SCNN1B: variants seen among roughly 807,000 people sequenced by gnomAD.
SCNN1B encodes epithelial sodium channel subunit beta.
A neutral mutation model predicts 65.3 loss-of-function variants in SCNN1B; 46 were observed. The ratio of observed to expected loss-of-function variants is 0.70; its 90% CI spans 0.56 to 0.90. The LOEUF (loss-of-function observed/expected upper bound fraction) is 0.90, where lower values mean the gene tolerates loss of function less well. SCNN1B is among the 40% of genes least tolerant of loss of function. SCNN1B has a pLI of 0.00. For missense variants in SCNN1B, 751 were observed against 830.5 expected, an observed-to-expected ratio of 0.90 and a Z score of 1.18; for synonymous variants, 349 against 330.6, an observed-to-expected ratio of 1.06 and a Z score of -0.60.
At chr16:23,307,295 CTTTT>C (rs761118487) in intron 1 of SCNN1B, among the ~76,000 whole-genome samples, 2 of 113,294 alleles carry the variant, frequency 1.8e-5, no homozygotes, top group Admixed American at 9.6e-5. Flanking sequence ...GCCTGTGCTC[CTTTT>C]TTTTTTTTTT....
At chr16:23,343,691 CTT>C (rs1163913234) in intron 1 of SCNN1B, among the ~76,000 whole-genome samples, 1 of 150,018 alleles carries the variant, frequency 6.7e-6, no homozygotes, top group African/African-American at 2.5e-5. Context: ...AGCCGAAACA[CTT>C]TTCCACATTT....
chr16:23,346,378 C>T (rs1487836446), intron 1 of SCNN1B, among the ~76,000 whole-genome samples: 1 of 151,506 alleles, frequency 6.6e-6, no homozygotes, highest in African/African-American at 2.4e-5. Context: ...CAAGGGCCCG[C>T]CACCAGCTAA....
intron 1 of SCNN1B, among the ~76,000 whole-genome samples, chr16:23,324,813 T>C (rs1428255353): frequency 2.0e-5 from 3 of 152,212 alleles, no homozygotes; most frequent in South Asian, 4.1e-4. Flanking sequence ...TCTTCCCTGC[T>C]GGCTGTCAAC....
In SCNN1B at chr16:23,380,892, G is replaced by A; in HGVS notation, c.*91G>A. On this transcript the variant is annotated 3_prime_UTR_variant, in exon 13 of 13. Transcript: ENST00000343070. The surrounding 1 kb of genome is among the most constrained non-coding windows in gnomAD (Gnocchi z 5.4). Reference sequence around the variant, plus strand: ...CACTGTATGGTGCCCTCTCCAAAGGGTCGGGAGGGTAGCTCTCCAGGCCAG... The same window carrying A: ...CACTGTATGGTGCCCTCTCCAAAGGATCGGGAGGGTAGCTCTCCAGGCCAG... The A allele has an allele frequency of 7.0e-7, 1 of 1,422,830 alleles. No individual in the cohort carries two copies. Among genetic ancestry groups the A allele is most frequent in the Non-Finnish European group, 9.9e-7 (1 of 1,011,898 alleles). The allele number at this position is 1,422,830 out of a possible 1,614,324, so 88.1% of individuals were successfully genotyped here. A position where few individuals can be genotyped will look rare whatever the true frequency, so the allele number is the denominator to read the frequency against.
upstream of SCNN1B, among the ~76,000 whole-genome samples, chr16:23,301,414 GGAGA>G (rs137987811): frequency 2.1e-5 from 3 of 140,934 alleles, no homozygotes; most frequent in Non-Finnish European, 3.0e-5. Context: ...GGAGGGAGGT[GGAGA>G]GAGAGAGAGA....
chr16:23,284,074 T>C (rs781066268), intron 2 of SCNN1B, among the ~76,000 whole-genome samples: 6 of 152,192 alleles, frequency 3.9e-5, no homozygotes, highest in East Asian at 1.9e-4. Context: ...AATTGACCAG[T>C]TGGCAGTAGA....
chr16:23,335,858 C>T (rs1961927922), intron 1 of SCNN1B, among the ~76,000 whole-genome samples: 1 of 152,086 alleles, frequency 6.6e-6, no homozygotes, highest in Non-Finnish European at 1.5e-5. Context: ...CTGATCAGCT[C>T]AAATAAGACC....
chr16:23,318,496 C>A (rs1301932846), intron 1 of SCNN1B, among the ~76,000 whole-genome samples: 1 of 152,174 alleles, frequency 6.6e-6, no homozygotes, highest in East Asian at 1.9e-4. Flanking sequence ...GTAATCCCAG[C>A]TACTCAGGAG....
intron 1 of SCNN1B, among the ~76,000 whole-genome samples, chr16:23,308,342 G>A (rs1961264909): frequency 6.6e-6 from 1 of 152,174 alleles, no homozygotes; most frequent in Admixed American, 6.5e-5. Flanking sequence ...GAACAACATA[G>A]CAAGACTCCA....
At chr16:23,284,067 T>C (rs1441371500) in intron 2 of SCNN1B, among the ~76,000 whole-genome samples, 1 of 152,194 alleles carries the variant, frequency 6.6e-6, no homozygotes, top group Non-Finnish European at 1.5e-5. Context: ...AGAAGTCAAT[T>C]GACCAGTTGG....
rs1483174578 is a variant in SCNN1B, at chr16:23,305,547, T to C, written c.-9+3110T>C. Among the ~76,000 whole-genome samples the C allele has an allele frequency of 4.4e-5, 2 of 45,628 alleles. 1 individual carries two copies. The highest frequency in any genetic ancestry group is 2.0e-3 in the South Asian group (2 of 1,002). 29.9% of individuals were successfully genotyped at this position (45,628 alleles called of 152,430 possible). ...CAAATATATATATTATATATATATA[T>C]ATATATATATATATATATATATATA... is the stretch of plus-strand genomic sequence containing the variant. On this transcript the variant is annotated intron_variant, in intron 1 of 12. Transcript: ENST00000343070.
chr16:23,313,630 T>C (rs1961390250), intron 1 of SCNN1B, among the ~76,000 whole-genome samples: 1 of 152,228 alleles, frequency 6.6e-6, no homozygotes, highest in Non-Finnish European at 1.5e-5. Context: ...TTGTTTGTTT[T>C]GAAATGGAGT....
chr16:23,316,900 C>G (rs571371551), intron 1 of SCNN1B, among the ~76,000 whole-genome samples: 2 of 152,274 alleles, frequency 1.3e-5, no homozygotes, highest in South Asian at 4.1e-4. Flanking sequence ...TCACCCTCAC[C>G]ATCACCTCCA....
At chr16:23,302,164 G>C (rs1365927257), upstream of SCNN1B, 1 of 152,488 alleles carries the variant, frequency 6.6e-6, no homozygotes, top group Non-Finnish European at 1.5e-5. Context: ...CCTGGCGTGT[G>C]GGGGCTGGAG....
chr16:23,322,068 A>T (rs1207103786), intron 1 of SCNN1B, among the ~76,000 whole-genome samples: 1 of 152,066 alleles, frequency 6.6e-6, no homozygotes, highest in Non-Finnish European at 1.5e-5. Flanking sequence ...TAGTTATGTA[A>T]ACTGCCCCGA....
At chr16:23,289,786 C>T (rs987401885) in intron 2 of SCNN1B, among the ~76,000 whole-genome samples, 1 of 151,654 alleles carries the variant, frequency 6.6e-6, no homozygotes, top group African/African-American at 2.4e-5. Flanking sequence ...AGCGATTCTC[C>T]TGCCTCAGCC....
chr16:23,285,892 T>C (rs1471555623), intron 2 of SCNN1B, among the ~76,000 whole-genome samples: 1 of 152,124 alleles, frequency 6.6e-6, no homozygotes, highest in Non-Finnish European at 1.5e-5. Flanking sequence ...GAGAATCGCT[T>C]GAACCCAGGA....
intron 2 of SCNN1B, among the ~76,000 whole-genome samples, chr16:23,286,413 A>G (rs925672027): frequency 1.3e-5 from 2 of 152,226 alleles, no homozygotes; most frequent in African/African-American, 4.8e-5. Flanking sequence ...TTCTGAGAGA[A>G]GAAACGACTT....
intron 2 of SCNN1B, among the ~76,000 whole-genome samples, chr16:23,349,537 C>T (rs1368182393): frequency 6.6e-6 from 1 of 151,086 alleles, no homozygotes; most frequent in Non-Finnish European, 1.5e-5. Context: ...GTAACAGATG[C>T]TATCTCTTAA....
Sources: gnomAD v4.1 joint callset for allele counts (sites outside exome capture counted in the v4.1 genomes callset) on GRCh38, gnomAD v4.1.1 for gene constraint, Gnocchi (gnomAD v3.1) non-coding constraint, MANE v1.5 for transcripts, NCBI Gene and HGNC (gene_info 2026-07-23, HGNC 2026-07-21) for gene names.